CAST: variants seen among roughly 807,000 people sequenced by gnomAD.
CAST encodes the protein calpastatin, also known as MIR583 host.
A neutral mutation model predicts 119.6 loss-of-function variants in CAST; 76 were observed. That is an observed-to-expected ratio of 0.64 (90% CI 0.53 to 0.77). The LOEUF is 0.77. CAST is among the 30% of genes least tolerant of loss of function. CAST has a pLI of 0.00. For missense variants in CAST, 953 were observed against 946.5 expected (o/e 1.01, Z -0.09); for synonymous variants, 319 against 331.6 (o/e 0.96, Z 0.41).
intron 11 of CAST, among the ~76,000 whole-genome samples, chr5:96,738,790 TC>T (rs1762143266): frequency 6.6e-6 from 1 of 151,594 alleles, no homozygotes; most frequent in East Asian, 1.9e-4. Flanking sequence ...AAAAAATTAG[TC>T]AGGAATGTTG....
At chr5:96,271,022 C>T in the CAST span, among the ~76,000 whole-genome samples, 1 of 151,660 alleles carries the variant, frequency 6.6e-6, no homozygotes, top group Non-Finnish European at 1.5e-5. Context: ...AAGAAAGCAA[C>T]CCCATTTACA....
At chr5:96,638,118 CT>C (rs1244912614) in intron 1 of CAST, among the ~76,000 whole-genome samples, 1 of 152,070 alleles carries the variant, frequency 6.6e-6, no homozygotes, top group African/African-American at 2.4e-5. Context: ...GCAAAATGCC[CT>C]TTTGGGCCTG....
chr5:96,744,733 G>A (rs757984834), intron 16 of CAST, among the ~76,000 whole-genome samples: 2 of 152,068 alleles, frequency 1.3e-5, no homozygotes, highest in African/African-American at 4.8e-5. Context: ...GAAGGCTCAG[G>A]AAGGTCACTG....
chr5:96,134,997 C>T, the CAST span, among the ~76,000 whole-genome samples: 4 of 152,190 alleles, frequency 2.6e-5, no homozygotes, highest in African/African-American at 9.6e-5. Flanking sequence ...AAGACACTTC[C>T]AGGAAATAGC....
At chr5:96,409,200 T>C in the CAST span, among the ~76,000 whole-genome samples, 1 of 152,212 alleles carries the variant, frequency 6.6e-6, no homozygotes, top group Non-Finnish European at 1.5e-5. Context: ...GCGCTGCTGG[T>C]TGGGCCAAGG....
chr5:96,662,369 C>T (rs1748649554), upstream of CAST: 2 of 1,394,858 alleles, frequency 1.4e-6, no homozygotes, highest in Middle Eastern at 2.6e-4. Context: ...CGCCAGGCCT[C>T]CCCGCCACTC....
chr5:96,046,880 A>C, the CAST span, among the ~76,000 whole-genome samples: 11 of 152,224 alleles, frequency 7.2e-5, no homozygotes, highest in South Asian at 1.9e-3. Context: ...CCCTGATAAA[A>C]CCATCAGATC....
intron 13 of CAST, chr5:96,741,044 A>G (rs1762557700): frequency 1.7e-6 from 1 of 595,528 alleles, no homozygotes; most frequent in Non-Finnish European, 3.0e-6. Flanking sequence ...ATAATAATAG[A>G]ATGAGAATGT....
chr5:96,421,154 G>A, the CAST span, among the ~76,000 whole-genome samples: 2 of 152,240 alleles, frequency 1.3e-5, no homozygotes, highest in Non-Finnish European at 2.9e-5. Context: ...GAAGTTGAAA[G>A]TCTCTTGCCT....
the CAST span, among the ~76,000 whole-genome samples, chr5:96,363,525 T>C: frequency 2.6e-5 from 4 of 152,198 alleles, no homozygotes; most frequent in East Asian, 1.9e-4. Context: ...CAGTGGTTTG[T>C]AGTTCTCCTT....
the CAST span, among the ~76,000 whole-genome samples, chr5:96,161,143 T>A: frequency 6.6e-6 from 1 of 152,132 alleles, no homozygotes; most frequent in Admixed American, 6.6e-5. Flanking sequence ...CTTCTATCTC[T>A]TGTGCTGTCT....
chr5:96,366,032 A>G, the CAST span, among the ~76,000 whole-genome samples: 2 of 152,178 alleles, frequency 1.3e-5, no homozygotes, highest in African/African-American at 4.8e-5. Context: ...GTTGGTGACA[A>G]AATCTCTCAG....
the CAST span, among the ~76,000 whole-genome samples, chr5:95,987,256 A>G: frequency 1.3e-5 from 2 of 151,994 alleles, no homozygotes; most frequent in African/African-American, 2.4e-5. Context: ...TCATACTTTG[A>G]TCTGTAAAAC....
At chr5:96,548,465 C>T (rs1746057484) in intron 1 of CAST, among the ~76,000 whole-genome samples, 1 of 152,112 alleles carries the variant, frequency 6.6e-6, no homozygotes, top group African/African-American at 2.4e-5. Context: ...AAGGATCCTG[C>T]AGAATAACAC....
the CAST span, among the ~76,000 whole-genome samples, chr5:96,242,521 A>G: frequency 6.6e-6 from 1 of 152,342 alleles, no homozygotes; most frequent in East Asian, 1.9e-4. Context: ...GCCTCCAGCT[A>G]TCAGATCTTG....
the CAST span, among the ~76,000 whole-genome samples, chr5:96,219,073 A>G: frequency 3.9e-5 from 6 of 152,194 alleles, no homozygotes; most frequent in Non-Finnish European, 7.3e-5. Context: ...GCACAGGATA[A>G]GTGCTCAGTT....
chr5:96,362,994 A>G, the CAST span, among the ~76,000 whole-genome samples: 1 of 150,814 alleles, frequency 6.6e-6, no homozygotes, highest in Non-Finnish European at 1.5e-5. Context: ...TTTAATCCAT[A>G]TTGAATTAAT....
At chr5:96,281,102 T>C in the CAST span, among the ~76,000 whole-genome samples, 18 of 152,198 alleles carry the variant, frequency 1.2e-4, no homozygotes, top group African/African-American at 3.9e-4. Context: ...TGATTCTGAC[T>C]CCCAATTCTA....
chr5:96,040,248 C>T, the CAST span, among the ~76,000 whole-genome samples: 2 of 152,156 alleles, frequency 1.3e-5, no homozygotes, highest in Non-Finnish European at 2.9e-5. Flanking sequence ...GCTGAAGTTG[C>T]TTATCAGCTT....
Sources: gnomAD v4.1 joint callset for allele counts (sites outside exome capture counted in the v4.1 genomes callset) on GRCh38, gnomAD v4.1.1 for gene constraint, MANE v1.5 for transcripts, NCBI Gene and HGNC (gene_info 2026-07-23, HGNC 2026-07-21) for gene names.